The following DTNB variants were observed in gnomAD, a reference collection of about 807,000 sequenced individuals.
DTNB encodes DTN-B.
DTNB carries 63 observed loss-of-function variants against 90.7 expected under a neutral mutation model. The ratio of observed to expected loss-of-function variants is 0.69; its 90% CI spans 0.57 to 0.86. DTNB has a LOEUF of 0.86. Among genes scored for constraint, DTNB ranks in the 40% least tolerant of loss-of-function variants. DTNB has a pLI of 0.00. For synonymous variants in DTNB, 277 were observed against 286.7 expected (o/e 0.97, Z 0.34); for missense variants, 744 against 807.1 (o/e 0.92, Z 0.95).
At chr2:25,456,658 T>C (rs1481843627) in intron 10 of DTNB, among the ~76,000 whole-genome samples, 4 of 152,120 alleles carry the variant, frequency 2.6e-5, no homozygotes, top group African/African-American at 9.7e-5. Context: ...CTGCAACCTC[T>C]GCCTCCTGGG....
rs778363396 is a variant in DTNB at position 25,433,901 on chromosome 2, C to T, written c.1343+9G>A. ...ACTCTGGAAGTGGGCTCAGCCTCTG[C>T]GTTCTTACCTGTTTTTGTTTTCCAG... is the stretch of plus-strand genomic sequence containing the variant. On this transcript the variant is annotated intron_variant, in intron 13 of 20. Coordinates refer to ENST00000406818, the MANE Select transcript of DTNB (RefSeq NM_021907.5). 43 of 1,613,090 alleles carry T rather than the reference C, an allele frequency of 2.7e-5. No homozygotes were observed. The highest frequency in any genetic ancestry group is 4.5e-5 in the East Asian group (2 of 44,866).
chr2:25,382,694 T>C (rs192880690), intron 19 of DTNB, among the ~76,000 whole-genome samples: 2 of 151,630 alleles, frequency 1.3e-5, no homozygotes, highest in East Asian at 3.9e-4. Flanking sequence ...ACACCTGGCT[T>C]ATTTTTGTAT....
intron 5 of DTNB, among the ~76,000 whole-genome samples, chr2:25,598,129 T>C (rs182909592): frequency 6.6e-6 from 1 of 152,326 alleles, no homozygotes; most frequent in East Asian, 1.9e-4. Context: ...AGAAGGGTTG[T>C]AGGGGACTTC....
chr2:25,529,644 T>C (rs551293336), intron 9 of DTNB, among the ~76,000 whole-genome samples: 9 of 151,896 alleles, frequency 5.9e-5, no homozygotes, highest in Non-Finnish European at 1.3e-4. Context: ...AGAAAATCAA[T>C]CCAGTTAAAA....
At position 25,542,618 on chromosome 2, in the gene DTNB, T is replaced by C. The variant is rs998729820; in HGVS notation, c.877-11021A>G. Among the ~76,000 whole-genome samples, 11 of 152,202 alleles carry C rather than the reference T, an allele frequency of 7.2e-5. No individual in the cohort carries two copies. The East Asian group carries it at 1.9e-3, about 27-fold the overall frequency. On this transcript the variant is annotated intron_variant, in intron 8 of 20. Coordinates refer to ENST00000406818, the MANE Select transcript of DTNB (RefSeq NM_021907.5). ...TGCAATTATTCTTTTATTTGAATGT[T>C]TGCTGAAATTCACAAAAAGTCACTC...
intron 4 of DTNB, among the ~76,000 whole-genome samples, chr2:25,615,196 T>C (rs1289066897): frequency 6.6e-6 from 1 of 152,128 alleles, no homozygotes; most frequent in Non-Finnish European, 1.5e-5. Flanking sequence ...TAGGGTGTGT[T>C]TTACGGGAAG....
At chr2:25,497,054 C>G (rs2069072632) in intron 9 of DTNB, among the ~76,000 whole-genome samples, 1 of 152,196 alleles carries the variant, frequency 6.6e-6, no homozygotes, top group Non-Finnish European at 1.5e-5. Flanking sequence ...GCTTCTAATG[C>G]ATTACGCTGC....
At chr2:25,599,741 T>A (rs1473614973) in intron 5 of DTNB, among the ~76,000 whole-genome samples, 1 of 152,066 alleles carries the variant, frequency 6.6e-6, no homozygotes, top group Non-Finnish European at 1.5e-5. Flanking sequence ...ATGTTACCAA[T>A]GATATGAATA....
intron 16 of DTNB, among the ~76,000 whole-genome samples, chr2:25,413,450 G>A (rs2047110354): frequency 1.5e-5 from 2 of 131,902 alleles, no homozygotes; most frequent in African/African-American, 3.0e-5. Flanking sequence ...GGTGTGTGAT[G>A]TTCCCCTTCC....
chr2:25,589,553 G>T (rs1340952770), intron 6 of DTNB, among the ~76,000 whole-genome samples: 2 of 151,240 alleles, frequency 1.3e-5, no homozygotes, highest in African/African-American at 4.9e-5. Flanking sequence ...GCTAATTTTT[G>T]TATTTTTAGT....
At chr2:25,519,367 CTTTTT>C (rs1197635484) in intron 9 of DTNB, among the ~76,000 whole-genome samples, 3 of 126,484 alleles carry the variant, frequency 2.4e-5, no homozygotes, top group South Asian at 2.6e-4. Context: ...CCTGTTTCTA[CTTTTT>C]TTTTTTTTTT....
chr2:25,439,128 G>A (rs999523503), intron 12 of DTNB, among the ~76,000 whole-genome samples: 1 of 152,160 alleles, frequency 6.6e-6, no homozygotes, highest in African/African-American at 2.4e-5. Flanking sequence ...TATGAATAAA[G>A]TATGGACTTT....
At chr2:25,670,222 T>C (rs1354214355) in intron 1 of DTNB, among the ~76,000 whole-genome samples, 4 of 152,228 alleles carry the variant, frequency 2.6e-5, no homozygotes, top group Admixed American at 2.6e-4. Context: ...TATGATGTCA[T>C]TAATGCAGAG....
chr2:25,576,083 T>A (rs2060599401), intron 8 of DTNB, among the ~76,000 whole-genome samples: 1 of 152,160 alleles, frequency 6.6e-6, no homozygotes, highest in African/African-American at 2.4e-5. Context: ...AATACTTAAC[T>A]CCTTTATTTT....
At chr2:25,523,583 G>A (rs1394607966) in intron 9 of DTNB, among the ~76,000 whole-genome samples, 1 of 150,042 alleles carries the variant, frequency 6.7e-6, no homozygotes. Context: ...GGAGGTTGCA[G>A]TGAGCTGAGA....
intron 8 of DTNB, among the ~76,000 whole-genome samples, chr2:25,562,309 TA>T (rs146392407): frequency 0.019 from 2,847 of 152,338 alleles, 90 homozygotes; most frequent in African/African-American, 0.063. Context: ...ATTGATAAAC[TA>T]CACTTTGTCC....
In DTNB at chr2:25,581,742, T is replaced by C. The variant is rs1051574147; in HGVS notation, c.604-916A>G. ...TTTTCTCCAGCCCACATGACACCTT[T>C]CCAGCTCCAAAGAAAAGGAAAAAGG... On this transcript the variant is annotated intron_variant, in intron 6 of 20. Coordinates refer to ENST00000406818, the MANE Select transcript of DTNB (RefSeq NM_021907.5). Among the ~76,000 whole-genome samples the C allele has an allele frequency of 3.3e-5, 5 of 152,202 alleles. No individual in the cohort carries two copies. The South Asian group carries it at 1.0e-3, about 32-fold the overall frequency.
At chr2:25,626,376 G>T (rs1269686458) in intron 4 of DTNB, among the ~76,000 whole-genome samples, 1 of 152,086 alleles carries the variant, frequency 6.6e-6, no homozygotes. Context: ...TTCCTGAGCA[G>T]GAAAAAATTA....
intron 16 of DTNB, among the ~76,000 whole-genome samples, chr2:25,398,099 A>G (rs891588220): frequency 2.6e-5 from 4 of 152,112 alleles, no homozygotes; most frequent in Admixed American, 2.6e-4. Flanking sequence ...AACCTTTGCA[A>G]ATACTTTGAT....
Sources: gnomAD v4.1 joint callset for allele counts (sites outside exome capture counted in the v4.1 genomes callset) on GRCh38, gnomAD v4.1.1 for gene constraint, MANE v1.5 for transcripts, NCBI Gene and HGNC (gene_info 2026-07-23, HGNC 2026-07-21) for gene names.